The following SNTG1 variants were observed in gnomAD, a reference collection of about 807,000 sequenced individuals.
SNTG1 encodes syntrophin gamma 1, also known as gamma-1-syntrophin.
SNTG1 carries 39 observed loss-of-function variants against 74.7 expected under a neutral mutation model. The observed-to-expected ratio is 0.52, with a 90% CI of 0.40 to 0.68. SNTG1 has a LOEUF of 0.68. SNTG1 is among the 30% of genes least tolerant of loss of function. SNTG1 has a pLI of 0.00. For synonymous variants in SNTG1, 254 were observed against 217.1 expected (o/e 1.17, Z -1.49); for missense variants, 685 against 609.5 (o/e 1.12, Z -1.30).
At chr8:50,765,113 G>A (rs1425797095) in intron 18 of SNTG1, among the ~76,000 whole-genome samples, 1 of 151,962 alleles carries the variant, frequency 6.6e-6, no homozygotes, top group Non-Finnish European at 1.5e-5. Context: ...TAGGGGGAAT[G>A]GAGAGATTTT....
Position 50,741,038 on chromosome 8 carries a change from G to A in SNTG1, c.1285-10963G>A, listed in dbSNP as rs138192795. 1.9e-3 allele frequency among the ~76,000 whole-genome samples: 291 copies of A among 152,096 alleles called. 1 individual carries two copies. Among genetic ancestry groups the A allele is most frequent in the African/African-American group, 6.9e-3 (285 of 41,526 alleles). On this transcript the variant is annotated intron_variant, in intron 17 of 18. Transcript: ENST00000642720. Reference sequence around the variant, plus strand: ...GAAGAGCAGGAAAAATAACTACTGGGTACTAGGCTTAATACCTGGGTGACA... The same window carrying A: ...GAAGAGCAGGAAAAATAACTACTGGATACTAGGCTTAATACCTGGGTGACA...
At chr8:50,252,452 A>T (rs1488110533) in intron 2 of SNTG1, among the ~76,000 whole-genome samples, 1 of 152,172 alleles carries the variant, frequency 6.6e-6, no homozygotes, top group Non-Finnish European at 1.5e-5. Flanking sequence ...AAATTAACAA[A>T]CTCTTGGTTA....
chr8:50,557,429 C>A (rs2094462689), intron 12 of SNTG1, among the ~76,000 whole-genome samples: 1 of 152,156 alleles, frequency 6.6e-6, no homozygotes, highest in Admixed American at 6.5e-5. Flanking sequence ...TTGGTGCCTT[C>A]AAACAACAGA....
chr8:50,481,210 G>A (rs987462823), intron 8 of SNTG1, among the ~76,000 whole-genome samples: 3 of 152,156 alleles, frequency 2.0e-5, no homozygotes, highest in East Asian at 1.9e-4. Context: ...GTGAAATCCC[G>A]TCTCTATTAA....
At chr8:49,914,816 G>C (rs16913838) in intron 1 of SNTG1, among the ~76,000 whole-genome samples, 4,904 of 152,190 alleles carry the variant, frequency 0.032, 233 homozygotes, top group African/African-American at 0.1. Context: ...ACCTAGTTCT[G>C]TTAAGCAACA....
intron 1 of SNTG1, among the ~76,000 whole-genome samples, chr8:50,126,638 CATATATT>C (rs2081149262): frequency 6.6e-6 from 1 of 151,630 alleles, no homozygotes; most frequent in African/African-American, 2.4e-5. Flanking sequence ...TTATATGTTT[CATATATT>C]ATATATTATA....
At chr8:50,469,241 T>C (rs2093632704) in intron 8 of SNTG1, among the ~76,000 whole-genome samples, 1 of 152,130 alleles carries the variant, frequency 6.6e-6, no homozygotes, top group Non-Finnish European at 1.5e-5. Flanking sequence ...AGAAGGACAG[T>C]TTTATGGGAC....
At chr8:50,338,094 C>CCA (rs71233487) in intron 2 of SNTG1, among the ~76,000 whole-genome samples, 133,104 of 151,810 alleles carry the variant, frequency 0.88, 61,028 homozygotes, top group East Asian at 1. Flanking sequence ...CGAGATTGCG[C>CCA]CTGCACTCCA....
At chr8:50,451,980 C>G (rs2093461895) in intron 8 of SNTG1, among the ~76,000 whole-genome samples, 1 of 152,102 alleles carries the variant, frequency 6.6e-6, no homozygotes, top group Non-Finnish European at 1.5e-5. Context: ...TGTCACAGCT[C>G]TAGTTTATTT....
At chr8:50,172,295 A>G (rs1050514856) in intron 1 of SNTG1, among the ~76,000 whole-genome samples, 4 of 152,148 alleles carry the variant, frequency 2.6e-5, no homozygotes, top group Non-Finnish European at 4.4e-5. Context: ...TTTGAAGTCA[A>G]TTTCCCCAAA....
intron 12 of SNTG1, among the ~76,000 whole-genome samples, chr8:50,586,731 A>T (rs1276362411): frequency 6.6e-6 from 1 of 152,134 alleles, no homozygotes; most frequent in African/African-American, 2.4e-5. Context: ...TGAAAGATTT[A>T]AAAGTTTAGC....
intron 8 of SNTG1, among the ~76,000 whole-genome samples, chr8:50,498,115 G>A (rs902716135): frequency 1.3e-5 from 2 of 151,490 alleles, no homozygotes; most frequent in Non-Finnish European, 3.0e-5. Flanking sequence ...GATTTCTCTT[G>A]GATAAATTTC....
chr8:50,660,250 G>GA (rs767200401), intron 15 of SNTG1, among the ~76,000 whole-genome samples: 39 of 142,350 alleles, frequency 2.7e-4, no homozygotes, highest in African/African-American at 9.7e-4. Flanking sequence ...AGGAAGGAAA[G>GA]AAGGAGGGAA....
intron 15 of SNTG1, among the ~76,000 whole-genome samples, chr8:50,669,835 T>G (rs2095270507): frequency 6.6e-6 from 1 of 152,154 alleles, no homozygotes; most frequent in African/African-American, 2.4e-5. Context: ...TCAAAAAGCT[T>G]ATCCACCATG....
At chr8:50,532,414 G>A (rs570183191) in intron 10 of SNTG1, among the ~76,000 whole-genome samples, 1 of 152,228 alleles carries the variant, frequency 6.6e-6, no homozygotes, top group African/African-American at 2.4e-5. Context: ...ATAGACAAAA[G>A]CATACAATTA....
chr8:50,541,199 C>T (rs532801411), intron 11 of SNTG1, among the ~76,000 whole-genome samples: 73 of 151,758 alleles, frequency 4.8e-4, no homozygotes, highest in African/African-American at 1.5e-3. Flanking sequence ...TACAATATCC[C>T]AACCAGGGAA....
intron 2 of SNTG1, among the ~76,000 whole-genome samples, chr8:50,374,603 G>A (rs925933553): frequency 3.3e-5 from 5 of 152,166 alleles, no homozygotes; most frequent in African/African-American, 9.7e-5. Flanking sequence ...TTAGCTTGGT[G>A]GTCTTTAAAC....
At chr8:50,309,225 C>T (rs16914697) in intron 2 of SNTG1, among the ~76,000 whole-genome samples, 10,553 of 152,046 alleles carry the variant, frequency 0.069, 410 homozygotes, top group African/African-American at 0.086. Context: ...AAGTTTCTTT[C>T]GAAATCTGTG....
Position 50,471,641 on chromosome 8 carries a change from T to C in SNTG1, c.363+20912T>C, listed in dbSNP as rs1241160892. ...TTTATCCAAGATAAATACAAACATG[T>C]CCACACCAAAACATATACAGGAATG... On this transcript the variant is annotated intron_variant, in intron 8 of 18. Transcript: ENST00000642720. Among the ~76,000 whole-genome samples, 3 of 152,142 alleles carry C rather than the reference T, an allele frequency of 2.0e-5. No individual in the cohort carries two copies. The East Asian group carries it at 5.8e-4, about 29-fold the overall frequency.
Sources: allele counts gnomAD v4.1 joint callset (sites outside exome capture counted in the v4.1 genomes callset), GRCh38; gene constraint gnomAD v4.1.1; transcripts MANE v1.5; gene names NCBI Gene and HGNC (gene_info 2026-07-23, HGNC 2026-07-21).